The following STARD13 variants were observed in gnomAD, a reference collection of about 807,000 sequenced individuals.
STARD13 encodes the protein StAR related lipid transfer domain containing 13, also known as stAR-related lipid transfer protein 13.
A neutral mutation model predicts 106.4 loss-of-function variants in STARD13; 62 were observed. The ratio of observed to expected loss-of-function variants is 0.58; its 90% CI spans 0.48 to 0.72. The LOEUF (loss-of-function observed/expected upper bound fraction) is 0.72. STARD13 is among the 30% of genes least tolerant of loss of function. The pLI, the probability that STARD13 is intolerant of heterozygous loss-of-function variation, is 0.00. For missense variants in STARD13, 1,387 were observed against 1,424.0 expected (o/e 0.97, Z 0.42); for synonymous variants, 565 against 553.0 (o/e 1.02, Z -0.31).
the STARD13 span, among the ~76,000 whole-genome samples, chr13:33,483,946 C>A: frequency 6.6e-6 from 1 of 152,070 alleles, no homozygotes; most frequent in Non-Finnish European, 1.5e-5. Context: ...GACATTTGCC[C>A]AATAAAAGTC....
the STARD13 span, among the ~76,000 whole-genome samples, chr13:33,479,696 C>T: frequency 6.6e-6 from 1 of 152,122 alleles, no homozygotes; most frequent in Non-Finnish European, 1.5e-5. Context: ...TGGCATCTGG[C>T]AGGAGGTGAC....
chr13:33,544,095 C>A, the STARD13 span, among the ~76,000 whole-genome samples: 1 of 152,172 alleles, frequency 6.6e-6, no homozygotes, highest in Non-Finnish European at 1.5e-5. Context: ...AGTTATTATA[C>A]AGTAATTGTT....
chr13:33,524,407 A>G, the STARD13 span: 2 of 364,590 alleles, frequency 5.5e-6, no homozygotes, highest in Non-Finnish European at 9.1e-6. Flanking sequence ...TTTTTTTCAT[A>G]TATAAAGGAC....
At chr13:33,282,131 T>C (rs1891818897) in intron 1 of STARD13, among the ~76,000 whole-genome samples, 1 of 152,082 alleles carries the variant, frequency 6.6e-6, no homozygotes, top group Non-Finnish European at 1.5e-5. Context: ...ATAAGGACCA[T>C]TCTTATTTCC....
At chr13:33,638,409 G>A in the STARD13 span, among the ~76,000 whole-genome samples, 1 of 152,136 alleles carries the variant, frequency 6.6e-6, no homozygotes, top group African/African-American at 2.4e-5. Context: ...AGAAAAGCAG[G>A]ACACCTGGAA....
upstream of STARD13, among the ~76,000 whole-genome samples, chr13:33,354,841 A>G (rs1038746568): frequency 1.3e-5 from 2 of 151,928 alleles, no homozygotes; most frequent in South Asian, 2.1e-4. Flanking sequence ...AGTACCTGTA[A>G]TATTACCAAA....
At position 33,325,978 on chromosome 13, in the gene STARD13, C is replaced by G. The variant is rs767752541; in HGVS notation, c.124+24312G>C. Among the ~76,000 whole-genome samples, 3 of 85,752 alleles carry G rather than the reference C, an allele frequency of 3.5e-5. No homozygotes were observed. In the Admixed American group the frequency reaches 4.2e-4, roughly 12 times the overall value. The allele number at this position is 85,752 out of a possible 152,430, so 56.3% of individuals were successfully genotyped here. On this transcript the variant is annotated intron_variant, in intron 1 of 5. Coordinates refer to the STARD13 transcript ENST00000567873. ...CCAGCCTGGGCGACAGAGCGAGACTCCGTTTAAAAAAAAAAAAAAAAAAAA... is the reference window on the plus strand; with the variant it reads ...CCAGCCTGGGCGACAGAGCGAGACTGCGTTTAAAAAAAAAAAAAAAAAAAA...
chr13:33,404,564 G>T, the STARD13 span, among the ~76,000 whole-genome samples: 1 of 152,102 alleles, frequency 6.6e-6, no homozygotes, highest in Non-Finnish European at 1.5e-5. Flanking sequence ...CTACTTAAAG[G>T]CATGACTAAG....
the STARD13 span, among the ~76,000 whole-genome samples, chr13:33,536,394 A>C: frequency 2.0e-5 from 3 of 152,220 alleles, no homozygotes; most frequent in African/African-American, 7.2e-5. Flanking sequence ...AAAACTAATA[A>C]AAAATAATAA....
chr13:33,220,969 G>C (rs570123197), intron 1 of STARD13, among the ~76,000 whole-genome samples: 2 of 152,214 alleles, frequency 1.3e-5, no homozygotes, highest in South Asian at 4.2e-4. Flanking sequence ...GTTCACAATA[G>C]TCCTTACATT....
chr13:33,415,106 C>G, the STARD13 span, among the ~76,000 whole-genome samples: 12 of 152,320 alleles, frequency 7.9e-5, no homozygotes, highest in Middle Eastern at 3.4e-3. Context: ...TGGTGGCTCA[C>G]ACCTGTAATC....
the STARD13 span, among the ~76,000 whole-genome samples, chr13:33,413,619 C>A: frequency 2.0e-5 from 3 of 152,044 alleles, no homozygotes; most frequent in African/African-American, 7.2e-5. Flanking sequence ...TACAACAGAA[C>A]TCAAAACTCA....
intron 7 of STARD13, among the ~76,000 whole-genome samples, chr13:33,119,881 C>T (rs1197872951): frequency 6.6e-6 from 1 of 152,146 alleles, no homozygotes; most frequent in Non-Finnish European, 1.5e-5. Context: ...CTTCAACTGG[C>T]AACAACTCCA....
intron 3 of STARD13, among the ~76,000 whole-genome samples, chr13:33,152,887 T>A (rs916621348): frequency 6.6e-6 from 1 of 151,852 alleles, no homozygotes; most frequent in African/African-American, 2.4e-5. Flanking sequence ...TATAACAGAA[T>A]GAGCATTAAA....
Position 33,109,951 on chromosome 13 carries a change from A to C in STARD13, c.2969T>G (p.Leu990Arg). 6.2e-7 allele frequency: 1 copy of C among 1,614,150 alleles called. No individual in the cohort carries two copies. Among genetic ancestry groups the C allele is most frequent in the Non-Finnish European group, 8.5e-7 (1 of 1,180,020 alleles). Residue 990 changes from leucine (L) to arginine (R), a missense_variant, in exon 12 of 14, where the codon CTA becomes CGA. Transcript: ENST00000336934. ...CTGGTAGATCTCTGTTTGCCTGTCTAGAGTTTCCACAACCTTCCACTGCAC... is the reference window on the plus strand; with the variant it reads ...CTGGTAGATCTCTGTTTGCCTGTCTCGAGTTTCCACAACCTTCCACTGCAC... ...DFVQWKVVET[L>R]DRQTEIYQYV...
At chr13:33,260,426 TTC>T (rs1490051498) in intron 1 of STARD13, among the ~76,000 whole-genome samples, 2 of 152,242 alleles carry the variant, frequency 1.3e-5, no homozygotes, top group African/African-American at 4.8e-5. Context: ...GCAGGTCTAT[TTC>T]TGTTTCATCT....
the STARD13 span, among the ~76,000 whole-genome samples, chr13:33,587,491 C>G: frequency 6.6e-6 from 1 of 152,142 alleles, no homozygotes; most frequent in Non-Finnish European, 1.5e-5. Context: ...CCCTTGAGTT[C>G]TAGCCTCTCA....
the STARD13 span, among the ~76,000 whole-genome samples, chr13:33,365,832 T>C: frequency 6.6e-5 from 10 of 152,210 alleles, no homozygotes; most frequent in African/African-American, 2.2e-4. Flanking sequence ...CATAGTAGTT[T>C]TCACTTGAGC....
chr13:33,416,428 C>T, the STARD13 span, among the ~76,000 whole-genome samples: 1 of 151,860 alleles, frequency 6.6e-6, no homozygotes, highest in Non-Finnish European at 1.5e-5. Context: ...TGGAAGTGTG[C>T]AGAATAACAA....
Sources: allele counts gnomAD v4.1 joint callset (sites outside exome capture counted in the v4.1 genomes callset), GRCh38; gene constraint gnomAD v4.1.1; transcripts MANE v1.5; gene names NCBI Gene and HGNC (gene_info 2026-07-23, HGNC 2026-07-21).